The following NDUFA11 variants were observed in gnomAD, a reference collection of about 807,000 sequenced individuals.
The protein encoded by NDUFA11 is NADH dehydrogenase [ubiquinone] 1 alpha subcomplex subunit 11.
A neutral mutation model predicts 11.3 loss-of-function variants in NDUFA11; 14 were observed. That is an observed-to-expected ratio of 1.24 (90% confidence interval 0.82 to 1.94). The LOEUF (loss-of-function observed/expected upper bound fraction) is 1.94, where lower values mean the gene tolerates loss of function less well. NDUFA11 is among the 30% of genes most tolerant of loss of function. The pLI, the probability that NDUFA11 is intolerant of heterozygous loss-of-function variation, is 0.00. For missense variants in NDUFA11, 204 were observed against 200.3 expected, an observed-to-expected ratio of 1.02 and a Z score of -0.11; for synonymous variants, 87 against 85.6, an observed-to-expected ratio of 1.02 and a Z score of -0.09.
downstream of NDUFA11, chr19:5,893,003 CGGGGTGGGTGT>C (rs1278219061): frequency 2.8e-5 from 43 of 1,529,240 alleles, no homozygotes; most frequent in Middle Eastern, 5.0e-4. This position sits in a 1 kb window ranked among gnomAD's most constrained non-coding sequence, Gnocchi z 4.1. Flanking sequence ...CCTCTGGGTG[CGGGGTGGGTGT>C]GTCCGCCCTT....
At position 5,903,764 on chromosome 19, in the gene NDUFA11, C is replaced by A. The variant is rs757027101; in HGVS notation, c.-56G>T. ...CCCGCCAGCTCGGGAAGCGCAAGGGCAGCCGCGGCTGGCTATCGCGAGACT... is the reference window on the plus strand; with the variant it reads ...CCCGCCAGCTCGGGAAGCGCAAGGGAAGCCGCGGCTGGCTATCGCGAGACT... On this transcript the variant is annotated 5_prime_UTR_variant, in exon 1 of 4. Transcript: ENST00000308961. The A allele has an allele frequency of 9.8e-6, 15 of 1,525,740 alleles. No individual in the cohort carries two copies. In the African/African-American group the frequency reaches 1.8e-4, roughly 18 times the overall value. The allele number at this position is 1,525,740 out of a possible 1,614,324, so 94.5% of individuals were successfully genotyped here.
At chr19:5,894,912 T>C in intron 3 of NDUFA11, 58 bp from the exon 4 acceptor site, 1 of 1,526,188 alleles carries the variant, frequency 6.6e-7, no homozygotes, top group South Asian at 1.2e-5. Flanking sequence ...ACCAAGACGC[T>C]CCACGCCCTG....
intron 1 of NDUFA11, among the ~76,000 whole-genome samples, chr19:5,898,917 G>A (rs76685921): frequency 0.043 from 6,426 of 151,148 alleles, 189 homozygotes; most frequent in Non-Finnish European, 0.065. Flanking sequence ...TGGATGGAGC[G>A]GAGTGCCAGG....
downstream of NDUFA11, chr19:5,893,021 C>T: frequency 1.3e-6 from 2 of 1,534,664 alleles, no homozygotes; most frequent in Non-Finnish European, 1.7e-6. The surrounding 1 kb of genome is among the most constrained non-coding windows in gnomAD (Gnocchi z 4.1). Context: ...GTGTGTCCGC[C>T]CTTTCTCAGG....
intron 1 of NDUFA11, chr19:5,901,283 T>A: frequency 2.4e-6 from 3 of 1,255,170 alleles, no homozygotes; most frequent in Non-Finnish European, 2.1e-6. Flanking sequence ...TCAGATCCTA[T>A]CCCCTGGGTG....
chr19:5,893,181 T>C, downstream of NDUFA11: 1 of 1,536,028 alleles, frequency 6.5e-7, no homozygotes, highest in East Asian at 2.4e-5. This position sits in a 1 kb window ranked among gnomAD's most constrained non-coding sequence, Gnocchi z 4.1. Context: ...AGAATCTCTG[T>C]ACACAGTGGC....
chr19:5,892,941 A>C, downstream of NDUFA11: 1 of 1,453,376 alleles, frequency 6.9e-7, no homozygotes, highest in Non-Finnish European at 9.0e-7. Context: ...TCGAACCCAG[A>C]GTGTTTAACA....
At chr19:5,901,363 C>T (rs1039138621) in intron 1 of NDUFA11, 8 of 1,287,138 alleles carry the variant, frequency 6.2e-6, no homozygotes, top group Non-Finnish European at 8.1e-6. Flanking sequence ...GCTTCAGAGA[C>T]CCCTAGGAGC....
Position 5,896,309 on chromosome 19 carries a change from T to C in NDUFA11, c.313+144A>G. 1.0e-6 allele frequency: 1 copy of C among 974,318 alleles called. No individual in the cohort carries two copies. The highest frequency in any genetic ancestry group is 3.3e-4 in the Middle Eastern group (1 of 3,052). The allele number at this position is 974,318 out of a possible 1,614,324, so 60.4% of individuals were successfully genotyped here. Reference sequence around the variant, plus strand: ...GGTGCTTAAGCAGCAGCAGCAGCTGTCGCTATGACTGAAATGGCTGGTGTT... The same window carrying C: ...GGTGCTTAAGCAGCAGCAGCAGCTGCCGCTATGACTGAAATGGCTGGTGTT... On this transcript the variant is annotated intron_variant, in intron 3 of 3. Transcript: ENST00000308961. The surrounding 1 kb of genome is among the most constrained non-coding windows in gnomAD (Gnocchi z 5.8).
chr19:5,894,508 A>C (rs1003979697), downstream of NDUFA11, among the ~76,000 whole-genome samples: 1 of 152,128 alleles, frequency 6.6e-6, no homozygotes, highest in East Asian at 1.9e-4. Flanking sequence ...CCCCAGCCTG[A>C]TGCACTACCA....
At chr19:5,900,535 C>T (rs2057638341) in intron 1 of NDUFA11, among the ~76,000 whole-genome samples, 1 of 152,152 alleles carries the variant, frequency 6.6e-6, no homozygotes, top group Non-Finnish European at 1.5e-5. Context: ...GAGGGGAGCC[C>T]CGGAATGAAG....
chr19:5,901,117 C>T (rs1187754383), intron 1 of NDUFA11, among the ~76,000 whole-genome samples: 6 of 152,050 alleles, frequency 3.9e-5, no homozygotes, highest in Non-Finnish European at 1.5e-5. Context: ...GGAGCACCCC[C>T]GGTCTCAGAG....
At position 5,903,523 on chromosome 19, in the gene NDUFA11, C is replaced by T. The variant is rs182812036; in HGVS notation, c.97+89G>A. The T allele has an allele frequency of 3.7e-5, 48 of 1,298,210 alleles. No homozygotes were observed. The African/African-American group carries it at 5.4e-4, about 15-fold the overall frequency. The allele number at this position is 1,298,210 out of a possible 1,614,324, so 80.4% of individuals were successfully genotyped here. ...ACCACGTGCGTACCCGCGAGACTCCCAGACCCGTTCGATCCAAACAGCCCC... is the reference window on the plus strand; with the variant it reads ...ACCACGTGCGTACCCGCGAGACTCCTAGACCCGTTCGATCCAAACAGCCCC... On this transcript the variant is annotated intron_variant, in intron 1 of 3. Transcript: ENST00000308961.
downstream of NDUFA11, chr19:5,892,959 T>G (rs1340782850): frequency 1.3e-5 from 20 of 1,491,016 alleles, no homozygotes; most frequent in Admixed American, 2.2e-5. Flanking sequence ...ACAATGACTC[T>G]ATTAGGGCTT....
At position 5,903,758 on chromosome 19, in the gene NDUFA11, C is replaced by A. The variant is rs572481962; in HGVS notation, c.-50G>T. 6 of 1,533,312 alleles carry A rather than the reference C, an allele frequency of 3.9e-6. No homozygotes were observed. Among genetic ancestry groups the A allele is most frequent in the East Asian group, 4.9e-5 (2 of 40,810 alleles). 95.0% of individuals were successfully genotyped at this position (1,533,312 alleles called of 1,614,324 possible). A position where few individuals can be genotyped will look rare whatever the true frequency, so the allele number is the denominator to read the frequency against. On this transcript the variant is annotated 5_prime_UTR_variant, in exon 1 of 4. Coordinates refer to ENST00000308961, the MANE Select transcript of NDUFA11 (RefSeq NM_175614.5). ...ACGGACCCCGCCAGCTCGGGAAGCG[C>A]AAGGGCAGCCGCGGCTGGCTATCGC...
downstream of NDUFA11, chr19:5,893,144 C>T (rs73920081): frequency 1.4e-5 from 22 of 1,535,974 alleles, no homozygotes; most frequent in South Asian, 2.4e-4. This position sits in a 1 kb window ranked among gnomAD's most constrained non-coding sequence, Gnocchi z 4.1. Flanking sequence ...GAGAGGACTT[C>T]GAGGCAGGCG....
intron 3 of NDUFA11, chr19:5,895,149 G>T: frequency 2.3e-6 from 1 of 436,316 alleles, no homozygotes; most frequent in Non-Finnish European, 4.2e-6. Context: ...AGCTGGGGCT[G>T]GGGCAAGGCT....
chr19:5,893,343 C>T, downstream of NDUFA11: 1 of 738,840 alleles, frequency 1.4e-6, no homozygotes, highest in Admixed American at 2.4e-5. The surrounding 1 kb of genome is among the most constrained non-coding windows in gnomAD (Gnocchi z 4.1). Flanking sequence ...TGCACACCTG[C>T]AGTCCCAGCT....
chr19:5,896,538 G>C lies in NDUFA11; in HGVS notation c.228C>G (p.Ile76Met). The stretch of plus-strand genomic sequence containing the variant: ...CGGGCTTCTCGCGGACATGGGCGCT[G>C]ATGCAGGTGGTGAGGCCAAACACGG... Reference protein sequence around the residue: ...VGAVFGLTTCISAHVREKPDD... With the variant: ...VGAVFGLTTCMSAHVREKPDD... The change falls in exon 3 of 4, where the codon ATC (isoleucine) becomes ATG (methionine). Residue 76 changes from isoleucine (I) to methionine (M), a missense_variant. Transcript: ENST00000308961. This position sits in a 1 kb window ranked among gnomAD's most constrained non-coding sequence, Gnocchi z 5.8. The C allele has an allele frequency of 6.4e-7, 1 of 1,569,068 alleles. No individual in the cohort carries two copies. Among genetic ancestry groups the C allele is most frequent in the Non-Finnish European group, 8.6e-7 (1 of 1,157,568 alleles).
Sources: gnomAD v4.1 joint callset for allele counts (sites outside exome capture counted in the v4.1 genomes callset) on GRCh38, gnomAD v4.1.1 for gene constraint, Gnocchi (gnomAD v3.1) non-coding constraint, MANE v1.5 for transcripts, NCBI Gene and HGNC (gene_info 2026-07-23, HGNC 2026-07-21) for gene names.